Variants in CACNG2 observed in about 807,000 individuals in gnomAD.
CACNG2 encodes calcium voltage-gated channel auxiliary subunit gamma 2.
In CACNG2, 3 loss-of-function variants were observed where a neutral mutation model predicts 25.9. The ratio of observed to expected loss-of-function variants is 0.12; its 90% confidence interval spans 0.05 to 0.30. The LOEUF (loss-of-function observed/expected upper bound fraction) is 0.30. Among genes scored for constraint, CACNG2 ranks in the 10% least tolerant of loss-of-function variants. The probability of loss-of-function intolerance (pLI) is 1.00; values close to 1 mark genes in which losing one functional copy is unlikely to be tolerated. For synonymous variants in CACNG2, 167 were observed against 173.3 expected (o/e 0.96, Z 0.29); for missense variants, 341 against 432.5 (o/e 0.79, Z 1.88).
intron 1 of CACNG2, among the ~76,000 whole-genome samples, chr22:36,624,468 G>A (rs1046363540): frequency 1.3e-5 from 2 of 152,210 alleles, no homozygotes; most frequent in Non-Finnish European, 2.9e-5. Context: ...CTGAGGGTCA[G>A]AGCCTGGACT....
rs543691310 is a variant in CACNG2 at position 36,699,981 on chromosome 22, G to A, written c.211+2385C>T. Among the ~76,000 whole-genome samples, 26 of 152,354 alleles carry A rather than the reference G, an allele frequency of 1.7e-4. No individual in the cohort carries two copies. In the East Asian group the frequency reaches 5.0e-3, roughly 29 times the overall value. ...AGAGGCTTTGGAAATTAAAGGCCCGGTCAAAAGCGGGCCCGGAGCTCCAGC... is the reference window on the plus strand; with the variant it reads ...AGAGGCTTTGGAAATTAAAGGCCCGATCAAAAGCGGGCCCGGAGCTCCAGC... On this transcript the variant is annotated intron_variant, in intron 1 of 3. Transcript: ENST00000300105.
In CACNG2 at chr22:36,566,396, T is replaced by C. The variant is rs148567300; in HGVS notation, c.393A>G (p.Arg131=). The C allele has an allele frequency of 8.1e-6, 13 of 1,614,024 alleles. No individual in the cohort carries two copies. The highest frequency in any genetic ancestry group is 1.3e-5 in the African/African-American group (1 of 74,932). Residue 131 remains arginine, a synonymous_variant, in exon 3 of 4, where the codon CGA becomes CGG. Transcript: ENST00000300105. The stretch of plus-strand genomic sequence containing the variant: ...TGCCGGCACTCAGGATGATGTTGTG[T>C]CGAGTTTTGTAGAACTCGCTGGCTG... ...CIAASEFYKT[R]HNIILSAGIF...
intron 1 of CACNG2, among the ~76,000 whole-genome samples, chr22:36,685,320 A>C (rs940998086): frequency 6.6e-6 from 1 of 151,512 alleles, no homozygotes; most frequent in South Asian, 2.1e-4. Flanking sequence ...GGCAGCTTCC[A>C]TCTCTCCCGG....
chr22:36,591,838 C>G (rs1935598556), intron 1 of CACNG2, among the ~76,000 whole-genome samples: 1 of 151,598 alleles, frequency 6.6e-6, no homozygotes, highest in Non-Finnish European at 1.5e-5. Context: ...GGGTGCAGTG[C>G]TGGGGATGGG....
At chr22:36,569,404 G>A (rs1935187990) in intron 2 of CACNG2, among the ~76,000 whole-genome samples, 1 of 152,170 alleles carries the variant, frequency 6.6e-6, no homozygotes, top group Admixed American at 6.5e-5. Flanking sequence ...GCCCAGGAAG[G>A]GTGAGTGCCA....
chr22:36,680,718 T>C (rs1217579140), intron 1 of CACNG2, among the ~76,000 whole-genome samples: 2 of 7,096 alleles, frequency 2.8e-4, no homozygotes, highest in Admixed American at 1.5e-3. Flanking sequence ...ACCATCACCA[T>C]CACCACTACC....
chr22:36,695,352 G>A (rs1438314211), intron 1 of CACNG2, among the ~76,000 whole-genome samples: 1 of 152,080 alleles, frequency 6.6e-6, no homozygotes, highest in African/African-American at 2.4e-5. Flanking sequence ...ACTAACCCAA[G>A]GTCACACAGC....
chr22:36,651,224 C>CTTTTTTTTTTTT (rs11411019), intron 1 of CACNG2, among the ~76,000 whole-genome samples: 2 of 83,112 alleles, frequency 2.4e-5, no homozygotes, highest in Non-Finnish European at 4.3e-5. Context: ...CTTCTTCCTC[C>CTTTTTTTTTTTT]TTTTTTTTTT....
chr22:36,572,148 C>G (rs558418392), intron 2 of CACNG2, among the ~76,000 whole-genome samples: 1 of 152,194 alleles, frequency 6.6e-6, no homozygotes, highest in Non-Finnish European at 1.5e-5. Context: ...GCATATGGCA[C>G]TTCACATTAC....
chr22:36,608,450 C>G (rs1215958967), intron 1 of CACNG2, among the ~76,000 whole-genome samples: 1 of 152,210 alleles, frequency 6.6e-6, no homozygotes, highest in Non-Finnish European at 1.5e-5. Flanking sequence ...GAACTGAATA[C>G]TTTCTGTTCT....
At chr22:36,580,861 C>T (rs1935403533) in intron 2 of CACNG2, among the ~76,000 whole-genome samples, 1 of 152,166 alleles carries the variant, frequency 6.6e-6, no homozygotes, top group South Asian at 2.1e-4. Flanking sequence ...CATACACACA[C>T]ACAACACACA....
chr22:36,614,777 G>A (rs891381976), intron 1 of CACNG2, among the ~76,000 whole-genome samples: 1 of 152,172 alleles, frequency 6.6e-6, no homozygotes, highest in Non-Finnish European at 1.5e-5. Context: ...TGACTCAAAG[G>A]AGGTTTGGGG....
At chr22:36,698,335 C>T (rs572196592) in intron 1 of CACNG2, among the ~76,000 whole-genome samples, 28 of 152,280 alleles carry the variant, frequency 1.8e-4, no homozygotes, top group African/African-American at 6.5e-4. Context: ...TAAAGAAAGT[C>T]AAATTATCTT....
intron 1 of CACNG2, among the ~76,000 whole-genome samples, chr22:36,645,440 G>C (rs1421590857): frequency 6.6e-6 from 1 of 151,608 alleles, no homozygotes; most frequent in Non-Finnish European, 1.5e-5. Flanking sequence ...GGGAGGCTGA[G>C]GCAGGAGAAT....
At chr22:36,631,281 G>C (rs1042490450) in intron 1 of CACNG2, among the ~76,000 whole-genome samples, 8 of 152,152 alleles carry the variant, frequency 5.3e-5, no homozygotes, top group Non-Finnish European at 1.2e-4. Flanking sequence ...GGAGGAAGGT[G>C]AAGAAGGCGA....
At chr22:36,586,186 C>T (rs913487901) in intron 2 of CACNG2, among the ~76,000 whole-genome samples, 1 of 152,214 alleles carries the variant, frequency 6.6e-6, no homozygotes, top group Non-Finnish European at 1.5e-5. Flanking sequence ...TGGGGGCAGG[C>T]CCCATCCATC....
At chr22:36,656,067 C>T (rs1464417822) in intron 1 of CACNG2, among the ~76,000 whole-genome samples, 2 of 152,150 alleles carry the variant, frequency 1.3e-5, no homozygotes, top group Non-Finnish European at 2.9e-5. Context: ...CTTGGCCTCC[C>T]AGAGTGCTGG....
intron 1 of CACNG2, among the ~76,000 whole-genome samples, chr22:36,618,954 AAAC>A (rs869307422): frequency 2.6e-5 from 4 of 151,780 alleles, no homozygotes; most frequent in South Asian, 4.2e-4. Context: ...GCAAACAAAC[AAAC>A]AAAAAAACAA....
At chr22:36,602,700 T>G (rs190627436) in intron 1 of CACNG2, among the ~76,000 whole-genome samples, 2 of 152,354 alleles carry the variant, frequency 1.3e-5, no homozygotes, top group African/African-American at 2.4e-5. Flanking sequence ...TCTTCATTAT[T>G]ATTACATCTG....
Sources: allele counts gnomAD v4.1 joint callset (sites outside exome capture counted in the v4.1 genomes callset), GRCh38; gene constraint gnomAD v4.1.1; transcripts MANE v1.5; gene names NCBI Gene and HGNC (gene_info 2026-07-23, HGNC 2026-07-21).